The following KCNMB2 variants were observed in gnomAD, a reference collection of about 807,000 sequenced individuals.
KCNMB2 encodes the protein potassium calcium-activated channel subfamily M regulatory beta subunit 2.
Under a neutral mutation model 24.5 loss-of-function variants are expected in KCNMB2, and 9 were observed. That is an observed-to-expected ratio of 0.37 (90% CI 0.22 to 0.64). The LOEUF is 0.64. KCNMB2 is among the 30% of genes least tolerant of loss of function. The probability of loss-of-function intolerance (pLI) is 0.63; values close to 1 mark genes in which losing one functional copy is unlikely to be tolerated. For missense variants in KCNMB2, 226 were observed against 284.3 expected (o/e 0.79, Z 1.47); for synonymous variants, 109 against 104.4 (o/e 1.04, Z -0.27).
intron 1 of KCNMB2, among the ~76,000 whole-genome samples, chr3:178,782,492 G>A (rs1292873644): frequency 8.0e-5 from 12 of 150,900 alleles, no homozygotes; most frequent in Admixed American, 2.7e-4. Flanking sequence ...TCTAACTGGC[G>A]TGAGATGGTA....
chr3:178,592,445 A>G (rs562906578), intron 1 of KCNMB2, among the ~76,000 whole-genome samples: 1 of 152,240 alleles, frequency 6.6e-6, no homozygotes, highest in African/African-American at 2.4e-5. Context: ...ACACTCTCTT[A>G]AGGAATGATG....
At chr3:178,719,522 TTC>T (rs1231102908) in intron 1 of KCNMB2, among the ~76,000 whole-genome samples, 1 of 152,236 alleles carries the variant, frequency 6.6e-6, no homozygotes, top group Non-Finnish European at 1.5e-5. Flanking sequence ...CTTCACTATA[TTC>T]TGTCTCCAAG....
At chr3:178,552,382 C>A (rs978228264) in intron 1 of KCNMB2, among the ~76,000 whole-genome samples, 1 of 94,702 alleles carries the variant, frequency 1.1e-5, no homozygotes, top group South Asian at 3.0e-4. Context: ...TGAATTAAAC[C>A]CCCCCCCAAA....
intron 1 of KCNMB2, among the ~76,000 whole-genome samples, chr3:178,642,072 A>C (rs528575836): frequency 1.3e-5 from 2 of 152,308 alleles, no homozygotes; most frequent in East Asian, 3.9e-4. Flanking sequence ...ATGTGTAATA[A>C]TATACAGCAG....
chr3:178,598,998 G>A (rs1482621525), intron 1 of KCNMB2, among the ~76,000 whole-genome samples: 14 of 152,118 alleles, frequency 9.2e-5, no homozygotes, highest in Admixed American at 9.2e-4. Context: ...TCACCACCAT[G>A]CTACAGAGAT....
At chr3:178,583,545 A>G (rs577590058) in intron 1 of KCNMB2, among the ~76,000 whole-genome samples, 1 of 152,220 alleles carries the variant, frequency 6.6e-6, no homozygotes, top group Non-Finnish European at 1.5e-5. Flanking sequence ...TATAAAAACA[A>G]TAACTGTTTC....
At chr3:178,686,245 T>C (rs1318177180) in intron 1 of KCNMB2, among the ~76,000 whole-genome samples, 3 of 152,192 alleles carry the variant, frequency 2.0e-5, no homozygotes, top group Non-Finnish European at 4.4e-5. Flanking sequence ...TTTAATAAAG[T>C]TCTACGTGGC....
At chr3:178,606,063 C>A (rs1296947376) in intron 1 of KCNMB2, among the ~76,000 whole-genome samples, 1 of 152,112 alleles carries the variant, frequency 6.6e-6, no homozygotes, top group African/African-American at 2.4e-5. Flanking sequence ...AGGAATACCA[C>A]CAGTTTGAAC....
chr3:178,831,807 A>G (rs531687933), intron 4 of KCNMB2, among the ~76,000 whole-genome samples: 1 of 152,242 alleles, frequency 6.6e-6, no homozygotes, highest in South Asian at 2.1e-4. Context: ...TATGCTTATT[A>G]CCTGGGTGGT....
At chr3:178,556,350 G>A (rs1260568175) in intron 1 of KCNMB2, among the ~76,000 whole-genome samples, 1 of 152,196 alleles carries the variant, frequency 6.6e-6, no homozygotes, top group African/African-American at 2.4e-5. Flanking sequence ...AACTAGTGTA[G>A]AACAGTAAGA....
At chr3:178,563,767 A>G (rs1427381017) in intron 1 of KCNMB2, among the ~76,000 whole-genome samples, 2 of 152,192 alleles carry the variant, frequency 1.3e-5, no homozygotes, top group Non-Finnish European at 2.9e-5. Flanking sequence ...GTCCTTCAAC[A>G]AAGGAGCAGA....
intron 2 of KCNMB2, among the ~76,000 whole-genome samples, chr3:178,818,584 T>G (rs1194726256): frequency 6.6e-6 from 1 of 152,174 alleles, no homozygotes; most frequent in Non-Finnish European, 1.5e-5. Flanking sequence ...TTCATCTAAG[T>G]AAATCTAAAT....
chr3:178,739,721 T>C (rs1577139803), intron 1 of KCNMB2, among the ~76,000 whole-genome samples: 1 of 152,076 alleles, frequency 6.6e-6, no homozygotes, highest in Non-Finnish European at 1.5e-5. Flanking sequence ...GAGGTCACAA[T>C]CTCTAACGCT....
At chr3:178,825,879 C>T in intron 3 of KCNMB2, 121 bp downstream of exon 3, 1 of 681,256 alleles carries the variant, frequency 1.5e-6, no homozygotes, top group Non-Finnish European at 2.5e-6. Context: ...TTGAGAAGTT[C>T]CTGGTAAATA....
intron 1 of KCNMB2, among the ~76,000 whole-genome samples, chr3:178,642,457 C>T (rs1719761630): frequency 2.0e-5 from 3 of 152,124 alleles, no homozygotes; most frequent in Non-Finnish European, 2.9e-5. Flanking sequence ...CCCTGTGCTC[C>T]CCACCTTCCT....
intron 1 of KCNMB2, chr3:178,757,031 A>T (rs1724078911): frequency 6.6e-6 from 1 of 151,642 alleles, no homozygotes. Context: ...GGAAATATAT[A>T]TATATGTATA....
At position 178,635,397 on chromosome 3, in the gene KCNMB2, G is replaced by T. The variant is rs114380118; in HGVS notation, c.-68+98686G>T. Among the ~76,000 whole-genome samples the T allele has an allele frequency of 8.4e-3, 1,171 of 139,954 alleles. 12 individuals carry two copies. The highest frequency in any genetic ancestry group is 0.031 in the African/African-American group (1,108 of 35,288). 91.8% of individuals were successfully genotyped at this position (139,954 alleles called of 152,430 possible). ...AATAATTATAATATCCCTTACACAG[G>T]TGCTTATGCATACACACACACACAC... On this transcript the variant is annotated intron_variant, in intron 1 of 4. Transcript: ENST00000452583.
intron 1 of KCNMB2, among the ~76,000 whole-genome samples, chr3:178,712,209 T>C (rs1335485981): frequency 6.6e-6 from 1 of 152,132 alleles, no homozygotes; most frequent in Admixed American, 6.5e-5. Context: ...AAGAGTAACA[T>C]ATTTACTAGG....
In KCNMB2 at chr3:178,816,188, CTATT is replaced by C. The variant is rs201691677; in HGVS notation, c.56+8729_56+8732del. On this transcript the variant is annotated intron_variant, in intron 2 of 4. Coordinates refer to ENST00000452583, the MANE Select transcript of KCNMB2 (RefSeq NM_181361.3). ...AATGATTTATAAGTATTTGAGTTTT[CTATT>C]TATTTCTGAATCAGTTTCAGTAAGT... is the stretch of plus-strand genomic sequence containing the variant. Among the ~76,000 whole-genome samples, 594 of 151,722 alleles carry C rather than the reference CTATT, an allele frequency of 3.9e-3. 2 individuals carry two copies. Among genetic ancestry groups the C allele is most frequent in the African/African-American group, 0.014 (564 of 41,460 alleles).
Sources: allele counts gnomAD v4.1 joint callset (sites outside exome capture counted in the v4.1 genomes callset), GRCh38; gene constraint gnomAD v4.1.1; transcripts MANE v1.5; gene names NCBI Gene and HGNC (gene_info 2026-07-23, HGNC 2026-07-21).